RFX4: variants seen among roughly 807,000 people sequenced by gnomAD.
RFX4 encodes regulatory factor X4.
A neutral mutation model predicts 95.0 loss-of-function variants in RFX4; 10 were observed. That is an observed-to-expected ratio of 0.11 (90% CI 0.06 to 0.18). The LOEUF (loss-of-function observed/expected upper bound fraction) is 0.18, where lower values mean the gene tolerates loss of function less well. Ranked by LOEUF, RFX4 falls within the 10% of genes least tolerant of loss-of-function variation. RFX4 has a pLI of 1.00. For missense variants in RFX4, 640 were observed against 922.0 expected (o/e 0.69, Z 3.96); for synonymous variants, 321 against 340.7 (o/e 0.94, Z 0.64).
intron 11 of RFX4, among the ~76,000 whole-genome samples, chr12:106,717,177 C>T (rs1403718766): frequency 6.6e-6 from 1 of 151,942 alleles, no homozygotes; most frequent in Non-Finnish European, 1.5e-5. Context: ...ATCACTGTGC[C>T]CCTAGGAACT....
intron 15 of RFX4, among the ~76,000 whole-genome samples, chr12:106,734,752 T>C (rs1400143362): frequency 5.3e-5 from 8 of 151,908 alleles, no homozygotes; most frequent in Admixed American, 4.6e-4. Context: ...CTGAAAAGTA[T>C]TGTTAAGATG....
intron 2 of RFX4, among the ~76,000 whole-genome samples, chr12:106,626,306 A>G (rs112432531): frequency 9.3e-4 from 142 of 152,344 alleles, no homozygotes; most frequent in African/African-American, 3.0e-3. Flanking sequence ...TGGGGAAGGC[A>G]TCTTGGAGGA....
intron 1 of RFX4, among the ~76,000 whole-genome samples, chr12:106,587,041 C>A (rs1268476578): frequency 6.6e-6 from 1 of 152,224 alleles, no homozygotes; most frequent in Non-Finnish European, 1.5e-5. Flanking sequence ...TAAGCGCCGG[C>A]GTCTGGATTT....
chr12:106,603,182 T>C (rs2039748074), intron 1 of RFX4, among the ~76,000 whole-genome samples: 1 of 152,166 alleles, frequency 6.6e-6, no homozygotes, highest in Non-Finnish European at 1.5e-5. Flanking sequence ...TTGATAACCG[T>C]CTTAATAGGC....
At chr12:106,655,982 C>T (rs2040950243) in intron 4 of RFX4, among the ~76,000 whole-genome samples, 1 of 152,202 alleles carries the variant, frequency 6.6e-6, no homozygotes, top group South Asian at 2.1e-4. Flanking sequence ...CTTGTAGAAA[C>T]TCCAATTTGC....
chr12:106,754,457 C>T (rs1007684226), intron 17 of RFX4, among the ~76,000 whole-genome samples: 4 of 152,204 alleles, frequency 2.6e-5, no homozygotes, highest in Non-Finnish European at 4.4e-5. Context: ...ACAGAGCATG[C>T]CTGCTTTGGT....
rs766779674 is a variant in RFX4 at position 106,671,914 on chromosome 12, G to A, written c.316-10079G>A. ...TAAGCTCAGGCAATCCGCCCACCTCGGCCTCCCAAAGTGCTAGGATTACAG... is the reference window on the plus strand; with the variant it reads ...TAAGCTCAGGCAATCCGCCCACCTCAGCCTCCCAAAGTGCTAGGATTACAG... On this transcript the variant is annotated intron_variant, in intron 4 of 17. Transcript: ENST00000392842. Among the ~76,000 whole-genome samples, 11 of 151,958 alleles carry A rather than the reference G, an allele frequency of 7.2e-5. No individual in the cohort carries two copies. The South Asian group carries it at 1.0e-3, about 14-fold the overall frequency.
intron 7 of RFX4, 116 bp from the exon 8 acceptor site, chr12:106,696,167 C>A: frequency 8.1e-7 from 1 of 1,228,886 alleles, no homozygotes; most frequent in Non-Finnish European, 1.2e-6. Context: ...ACTTCTGCTG[C>A]CGCAGGGGAA....
chr12:106,738,909 GTA>G lies in RFX4; in HGVS notation c.1633+5825_1633+5826del, dbSNP rs57650998. On this transcript the variant is annotated intron_variant, in intron 15 of 17. Coordinates refer to ENST00000392842, the MANE Select transcript of RFX4 (RefSeq NM_213594.3). ...TCTTAAATTTTCATTGAACAATAGT[GTA>G]AATTGTAAAACAATTATGTAAATCT... Among the ~76,000 whole-genome samples, 458 of 152,272 alleles carry G rather than the reference GTA, an allele frequency of 3.0e-3. 11 individuals are homozygous for G. In the East Asian group the frequency reaches 0.068, roughly 23 times the overall value.
intron 7 of RFX4, among the ~76,000 whole-genome samples, chr12:106,692,218 C>T (rs1244378495): frequency 6.6e-6 from 1 of 151,644 alleles, no homozygotes; most frequent in Non-Finnish European, 1.5e-5. Flanking sequence ...CTCCAGACTA[C>T]ATTGCACAAT....
intron 4 of RFX4, among the ~76,000 whole-genome samples, chr12:106,677,404 C>T (rs10861646): frequency 0.35 from 53,413 of 151,830 alleles, 9,467 homozygotes; most frequent in South Asian, 0.38. Flanking sequence ...GGCTGGATTT[C>T]AGGCTGGGCA....
intron 1 of RFX4, among the ~76,000 whole-genome samples, chr12:106,601,937 T>C (rs1447702756): frequency 6.6e-6 from 1 of 152,176 alleles, no homozygotes; most frequent in Non-Finnish European, 1.5e-5. Flanking sequence ...CCAGCTGAAA[T>C]GCCACCCCCT....
chr12:106,710,179 A>T (rs1022435876), intron 9 of RFX4, among the ~76,000 whole-genome samples: 2 of 152,214 alleles, frequency 1.3e-5, no homozygotes, highest in Non-Finnish European at 2.9e-5. Flanking sequence ...TACATTTTTT[A>T]AAGCCCCATT....
intron 2 of RFX4, among the ~76,000 whole-genome samples, chr12:106,611,247 C>T (rs2039955673): frequency 6.6e-6 from 1 of 152,152 alleles, no homozygotes; most frequent in South Asian, 2.1e-4. Context: ...AATATTTCCT[C>T]CTATTCCATG....
chr12:106,651,673 C>A (rs970492515), intron 3 of RFX4, among the ~76,000 whole-genome samples: 2 of 152,062 alleles, frequency 1.3e-5, no homozygotes, highest in African/African-American at 4.8e-5. Context: ...CCTACAGGAG[C>A]CAGACAAGGA....
intron 1 of RFX4, among the ~76,000 whole-genome samples, chr12:106,594,861 G>A (rs1323519924): frequency 6.6e-6 from 1 of 151,828 alleles, no homozygotes; most frequent in Non-Finnish European, 1.5e-5. Context: ...GATAGCTGAT[G>A]ATAAACAGAG....
At chr12:106,694,614 C>T (rs2041843895) in intron 7 of RFX4, among the ~76,000 whole-genome samples, 2 of 152,196 alleles carry the variant, frequency 1.3e-5, no homozygotes, top group Non-Finnish European at 2.9e-5. Flanking sequence ...CAGCCATACC[C>T]TGACTGGCTG....
rs940071067 is a variant in RFX4, at chr12:106,612,012, T to C, written c.130+3129T>C. 2.0e-5 allele frequency among the ~76,000 whole-genome samples: 3 copies of C among 152,258 alleles called. No individual in the cohort carries two copies. In the South Asian group the frequency reaches 6.2e-4, roughly 32 times the overall value. ...TTTATGACAGAACTAGACTGTAGCT[T>C]TGTAGTAAGTTTTGAAATCAGGAAA... is the stretch of plus-strand genomic sequence containing the variant. On this transcript the variant is annotated intron_variant, in intron 2 of 17. Coordinates refer to ENST00000392842, the MANE Select transcript of RFX4 (RefSeq NM_213594.3).
At chr12:106,705,103 C>G (rs2042059323) in intron 8 of RFX4, among the ~76,000 whole-genome samples, 1 of 152,162 alleles carries the variant, frequency 6.6e-6, no homozygotes, top group Non-Finnish European at 1.5e-5. Flanking sequence ...AGTAAAATAA[C>G]TTTTGTGAGC....
Sources: gnomAD v4.1 joint callset for allele counts (sites outside exome capture counted in the v4.1 genomes callset) on GRCh38, gnomAD v4.1.1 for gene constraint, MANE v1.5 for transcripts, NCBI Gene and HGNC (gene_info 2026-07-23, HGNC 2026-07-21) for gene names.